PRCD: variants seen among roughly 807,000 people sequenced by gnomAD.
PRCD encodes the protein photoreceptor disk component PRCD.
Under a neutral mutation model 10.1 loss-of-function variants are expected in PRCD, and 12 were observed. That is an observed-to-expected ratio of 1.18 (90% confidence interval 0.76 to 1.92). The LOEUF is 1.92. Ranked by LOEUF, PRCD falls within the 40% of genes most tolerant of loss-of-function variation. The pLI is 0.00. For missense variants in PRCD, 61 were observed against 72.2 expected (o/e 0.84, Z 0.56); for synonymous variants, 31 against 26.2 (o/e 1.18, Z -0.56).
chr17:76,534,111 C>T (rs991102934), intron 1 of PRCD, among the ~76,000 whole-genome samples: 1 of 144,658 alleles, frequency 6.9e-6, no homozygotes, highest in Non-Finnish European at 1.5e-5. Context: ...TTCTTTCTTT[C>T]TTCTTTCTTT....
At chr17:76,552,879 A>ATATATATATATATATATAT (rs1326311445) in intron 1 of PRCD, 2 of 107,526 alleles carry the variant, frequency 1.9e-5, no homozygotes, top group African/African-American at 3.6e-5. Context: ...AAAAAAAAAA[A>ATATATATATATATATATAT]AAATATATAT....
At chr17:76,550,917 G>A (rs186058840) in intron 1 of PRCD, 2 of 152,348 alleles carry the variant, frequency 1.3e-5, no homozygotes, top group Admixed American at 6.5e-5. Flanking sequence ...GAAGTCCCGT[G>A]ATGTTTGGAT....
chr17:76,537,235 G>T (rs932204347), upstream of PRCD, among the ~76,000 whole-genome samples: 22 of 152,268 alleles, frequency 1.4e-4, no homozygotes, highest in Admixed American at 1.3e-4. Context: ...CCCAGGCTTC[G>T]TTCACCCCAA....
At position 76,544,069 on chromosome 17, in the gene PRCD, C is replaced by T. The variant is rs1375210065; in HGVS notation, c.*419C>T. The T allele has an allele frequency of 6.6e-6, 3 of 454,580 alleles. No individual in the cohort carries two copies. In the Admixed American group the frequency reaches 7.0e-5, roughly 11 times the overall value. The allele number at this position is 454,580 out of a possible 1,614,324, so 28.2% of individuals were successfully genotyped here. A position where few individuals can be genotyped will look rare whatever the true frequency, so the allele number is the denominator to read the frequency against. On this transcript the variant is annotated 3_prime_UTR_variant, in exon 5 of 5. Coordinates refer to ENST00000592014, the MANE Select transcript of PRCD (RefSeq NM_001077620.3). The stretch of plus-strand genomic sequence containing the variant: ...TGCCCCCAGCTGCTCTGCCATTTCT[C>T]TCTTTTCAATCCTGCATGATCCTGA...
Position 76,531,675 on chromosome 17 carries a change from G to C in PRCD, n.45+3842G>C, listed in dbSNP as rs1166302118. Reference sequence around the variant, plus strand: ...TGGCTGAAGTACTGCTTGGCCGAGGGGAAGTTCACAAAGAACCTGGCAAGA... The same window carrying C: ...TGGCTGAAGTACTGCTTGGCCGAGGCGAAGTTCACAAAGAACCTGGCAAGA... On this transcript the variant is annotated intron_variant and non_coding_transcript_variant, in intron 1 of 4. Coordinates refer to the PRCD transcript ENST00000397633. This position sits in a 1 kb window ranked among gnomAD's most constrained non-coding sequence, Gnocchi z 7.4. 1.3e-6 allele frequency: 2 copies of C among 1,595,890 alleles called. No individual in the cohort carries two copies.
rs929180613 is a variant in PRCD, at chr17:76,533,099, C to A, written n.45+5266C>A. 2.0e-5 allele frequency among the ~76,000 whole-genome samples: 3 copies of A among 152,180 alleles called. No homozygotes were observed. Among genetic ancestry groups the A allele is most frequent in the African/African-American group, 4.8e-5 (2 of 41,452 alleles). On this transcript the variant is annotated intron_variant and non_coding_transcript_variant, in intron 1 of 4. Coordinates refer to the PRCD transcript ENST00000397633. This position sits in a 1 kb window ranked among gnomAD's most constrained non-coding sequence, Gnocchi z 4.5. ...GAACAGATGCGGAGAGGGCATCTGGCCGGGTCATCCCTGCTGCTGGTGGAA... is the reference window on the plus strand; with the variant it reads ...GAACAGATGCGGAGAGGGCATCTGGACGGGTCATCCCTGCTGCTGGTGGAA...
chr17:76,549,324 C>A (rs776421469), downstream of PRCD, among the ~76,000 whole-genome samples: 1 of 152,308 alleles, frequency 6.6e-6, no homozygotes, highest in East Asian at 1.9e-4. Context: ...AGCTAAAATA[C>A]ATAGAAAGTT....
downstream of PRCD, among the ~76,000 whole-genome samples, chr17:76,548,182 CACAT>C (rs1267325729): frequency 1.3e-5 from 2 of 151,926 alleles, no homozygotes; most frequent in South Asian, 2.1e-4. Context: ...TATACACCGA[CACAT>C]ACACATTTAC....
At chr17:76,550,991 C>T (rs1016808044) in intron 1 of PRCD, 16 of 152,192 alleles carry the variant, frequency 1.1e-4, no homozygotes, top group Non-Finnish European at 2.2e-4. Flanking sequence ...GTGAGGTGAC[C>T]TTTGCCAAGG....
chr17:76,544,683 C>T lies in PRCD; in HGVS notation c.*1033C>T, dbSNP rs1482069542. On this transcript the variant is annotated 3_prime_UTR_variant, in exon 5 of 5. Transcript: ENST00000592014. ...TCGGCCTTCCTGGTGACAGGCCTGT[C>T]AGGCTGAGGGCCAGAGGGCACTGTT... The T allele has an allele frequency of 4.4e-6, 2 of 456,664 alleles. No individual in the cohort carries two copies. Among genetic ancestry groups the T allele is most frequent in the African/African-American group, 4.0e-5 (2 of 50,092 alleles). 28.3% of individuals were successfully genotyped at this position (456,664 alleles called of 1,614,324 possible).
chr17:76,544,668 T>A lies in PRCD; in HGVS notation c.*1018T>A, dbSNP rs2075033468. On this transcript the variant is annotated 3_prime_UTR_variant, in exon 5 of 5. Coordinates refer to ENST00000592014, the MANE Select transcript of PRCD (RefSeq NM_001077620.3). The stretch of plus-strand genomic sequence containing the variant: ...CTCTCTTTGGAGGCATCGGCCTTCC[T>A]GGTGACAGGCCTGTCAGGCTGAGGG... 2.2e-6 allele frequency: 1 copy of A among 456,654 alleles called. No homozygotes were observed. Among genetic ancestry groups the A allele is most frequent in the African/African-American group, 2.0e-5 (1 of 50,088 alleles). 28.3% of individuals were successfully genotyped at this position (456,654 alleles called of 1,614,324 possible). A position where few individuals can be genotyped will look rare whatever the true frequency, so the allele number is the denominator to read the frequency against.
chr17:76,531,021 T>C lies in PRCD; in HGVS notation n.45+3188T>C, dbSNP rs1161848718. On this transcript the variant is annotated intron_variant and non_coding_transcript_variant, in intron 1 of 4. Transcript: ENST00000397633. This position sits in a 1 kb window ranked among gnomAD's most constrained non-coding sequence, Gnocchi z 7.4. ...CTGCTGCACCCAGCCCACTTCCTTG[T>C]AGGCAGCGGTCACGTGGCTGTAGAT... The C allele has an allele frequency of 6.2e-7, 1 of 1,613,086 alleles. No individual in the cohort carries two copies. Among genetic ancestry groups the C allele is most frequent in the Non-Finnish European group, 8.5e-7 (1 of 1,179,736 alleles).
chr17:76,543,110 G>A lies in PRCD; in HGVS notation c.*141G>A, dbSNP rs780194268. On this transcript the variant is annotated 3_prime_UTR_variant, in exon 4 of 5. Transcript: ENST00000592014. ...GCAAGAGGGAGAATGGGGGGAAGCA[G>A]CACTAGAGAAGGTAGACGCCTCCCT... is the stretch of plus-strand genomic sequence containing the variant. 3.4e-5 allele frequency: 16 copies of A among 471,278 alleles called. 1 individual carries two copies. The highest frequency in any genetic ancestry group is 2.5e-4 in the South Asian group (16 of 64,576). The allele number at this position is 471,278 out of a possible 1,614,324, so 29.2% of individuals were successfully genotyped here.
chr17:76,551,984 T>C (rs1050624240), intron 1 of PRCD: 2 of 152,004 alleles, frequency 1.3e-5, no homozygotes, highest in African/African-American at 4.8e-5. Flanking sequence ...GCTTCCAGAG[T>C]ACCTGCCACA....
chr17:76,534,038 A>C (rs1168655839), intron 1 of PRCD, among the ~76,000 whole-genome samples: 2 of 152,162 alleles, frequency 1.3e-5, no homozygotes, highest in Non-Finnish European at 2.9e-5. Context: ...ACCCTGACAA[A>C]ATAATAACAA....
chr17:76,545,487 A>T (rs1348455499), downstream of PRCD: 17 of 413,832 alleles, frequency 4.1e-5, no homozygotes, highest in East Asian at 1.1e-3. Context: ...GGGCAGCTAG[A>T]GAGGGAGAGC....
At position 76,531,035 on chromosome 17, in the gene PRCD, G is replaced by A. The variant is rs374652915; in HGVS notation, n.45+3202G>A. ...CCACTTCCTTGTAGGCAGCGGTCAC[G>A]TGGCTGTAGATGAGGCCACGCAGCT... On this transcript the variant is annotated intron_variant and non_coding_transcript_variant, in intron 1 of 4. Coordinates refer to the PRCD transcript ENST00000397633. This position sits in a 1 kb window ranked among gnomAD's most constrained non-coding sequence, Gnocchi z 7.4. 29 of 1,613,700 alleles carry A rather than the reference G, an allele frequency of 1.8e-5. No individual in the cohort carries two copies. The highest frequency in any genetic ancestry group is 8.8e-5 in the South Asian group (8 of 91,076).
Position 76,531,455 on chromosome 17 carries a change from C to T in PRCD, n.45+3622C>T, listed in dbSNP as rs1230592162. Reference sequence around the variant, plus strand: ...GGGGGCTCTGCAGCAGATGGGGGCGCATACCTTGAAGTACACCGGTTCCAC... The same window carrying T: ...GGGGGCTCTGCAGCAGATGGGGGCGTATACCTTGAAGTACACCGGTTCCAC... On this transcript the variant is annotated intron_variant and non_coding_transcript_variant, in intron 1 of 4. Transcript: ENST00000397633. The surrounding 1 kb of genome is among the most constrained non-coding windows in gnomAD (Gnocchi z 7.4). 1.2e-6 allele frequency: 2 copies of T among 1,601,102 alleles called. No homozygotes were observed. The highest frequency in any genetic ancestry group is 4.5e-5 in the East Asian group (2 of 44,440).
chr17:76,531,786 C>A lies in PRCD; in HGVS notation n.45+3953C>A. On this transcript the variant is annotated intron_variant and non_coding_transcript_variant, in intron 1 of 4. Coordinates refer to the PRCD transcript ENST00000397633. The surrounding 1 kb of genome is among the most constrained non-coding windows in gnomAD (Gnocchi z 7.4). Reference sequence around the variant, plus strand: ...TAGTGGGGGCTGAAGAAGTGGACCGCAGTGCTCCCCACCCCCGCACCGTCA... The same window carrying A: ...TAGTGGGGGCTGAAGAAGTGGACCGAAGTGCTCCCCACCCCCGCACCGTCA... 1 of 978,798 alleles carries A rather than the reference C, an allele frequency of 1.0e-6. No individual in the cohort carries two copies. The highest frequency in any genetic ancestry group is 1.6e-5 in the South Asian group (1 of 62,478). The allele number at this position is 978,798 out of a possible 1,614,324, so 60.6% of individuals were successfully genotyped here. A position where few individuals can be genotyped will look rare whatever the true frequency, so the allele number is the denominator to read the frequency against.
Sources: allele counts gnomAD v4.1 joint callset (sites outside exome capture counted in the v4.1 genomes callset), GRCh38; gene constraint gnomAD v4.1.1; non-coding constraint Gnocchi (gnomAD v3.1); transcripts MANE v1.5; gene names NCBI Gene and HGNC (gene_info 2026-07-23, HGNC 2026-07-21).